The following CCDC188 variants were observed in gnomAD, a reference collection of about 807,000 sequenced individuals.
CCDC188 encodes coiled-coil domain containing 188, also known as coiled-coil domain-containing protein 188.
CCDC188 carries 37 observed loss-of-function variants against 50.7 expected under a neutral mutation model. The ratio of observed to expected loss-of-function variants is 0.73; its 90% CI spans 0.56 to 0.96. The LOEUF (loss-of-function observed/expected upper bound fraction) is 0.96. Ranked by LOEUF, CCDC188 falls within the 40% of genes least tolerant of loss-of-function variation. The probability of loss-of-function intolerance (pLI) is 0.00; values close to 1 mark genes in which losing one functional copy is unlikely to be tolerated. For synonymous variants in CCDC188, 208 were observed against 228.0 expected, an observed-to-expected ratio of 0.91 and a Z score of 0.79; for missense variants, 453 against 512.9, an observed-to-expected ratio of 0.88 and a Z score of 1.13.
At position 20,149,396 on chromosome 22, in the gene CCDC188, C is replaced by T. The variant is rs1468622965; in HGVS notation, c.914+16G>A. ...GAGACCCTGCTCAGCTGGCCCGGCCCCTGCCCCCGTGTTACCTGAGAATCT... is the reference window on the plus strand; with the variant it reads ...GAGACCCTGCTCAGCTGGCCCGGCCTCTGCCCCCGTGTTACCTGAGAATCT... On this transcript the variant is annotated intron_variant, in intron 6 of 8. Coordinates refer to ENST00000439765, the MANE Select transcript of CCDC188 (RefSeq NM_001365892.2). 1.9e-6 allele frequency: 3 copies of T among 1,550,310 alleles called. No homozygotes were observed. The highest frequency in any genetic ancestry group is 1.2e-5 in the South Asian group (1 of 84,068).
rs894962595 is a variant in CCDC188, at chr22:20,149,048, G to C, written c.973-124C>G. On this transcript the variant is annotated intron_variant, in intron 7 of 8. Transcript: ENST00000439765. Reference sequence around the variant, plus strand: ...ACCGCAGCCCTGGCCCCTTCCTCCTGGACAGGCTCCTGCAGCCACTTTTCC... The same window carrying C: ...ACCGCAGCCCTGGCCCCTTCCTCCTCGACAGGCTCCTGCAGCCACTTTTCC... 1.7e-4 allele frequency: 225 copies of C among 1,291,682 alleles called. No homozygotes were observed. In the East Asian group the frequency reaches 4.6e-3, roughly 27 times the overall value. The allele number at this position is 1,291,682 out of a possible 1,614,324, so 80.0% of individuals were successfully genotyped here. A position where few individuals can be genotyped will look rare whatever the true frequency, so the allele number is the denominator to read the frequency against.
At chr22:20,149,061 C>G (rs766209971) in intron 7 of CCDC188, 126 bp downstream of exon 7, 12 of 1,271,738 alleles carry the variant, frequency 9.4e-6, no homozygotes, top group Non-Finnish European at 1.3e-5. Context: ...CAGGCTCCTG[C>G]AGCCACTTTT....
At chr22:20,150,338 G>A in intron 1 of CCDC188, 88 bp from the exon 2 acceptor site, 1 of 990,256 alleles carries the variant, frequency 1.0e-6, no homozygotes, top group Non-Finnish European at 1.5e-6. Context: ...CCAGGTGGTG[G>A]GTGGGGCTGG....
intron 7 of CCDC188, 23 bp from the exon 8 acceptor site, chr22:20,148,947 G>T: frequency 6.8e-7 from 1 of 1,475,346 alleles, no homozygotes; most frequent in Non-Finnish European, 9.0e-7. Context: ...GGCTGGATCA[G>T]AGCCCACCCC....
In CCDC188 at chr22:20,149,499, A is replaced by G. The variant is rs1167627441; in HGVS notation, c.850-23T>C. On this transcript the variant is annotated intron_variant, in intron 5 of 8. Coordinates refer to ENST00000439765, the MANE Select transcript of CCDC188 (RefSeq NM_001365892.2). ...GTTCTGGGGGCCAGAGGAGGTAAGC[A>G]CAGCAGGCCCCTCGCCCCGCCCTCC... The G allele has an allele frequency of 3.2e-6, 5 of 1,549,912 alleles. No homozygotes were observed. In the South Asian group the frequency reaches 6.0e-5, roughly 18 times the overall value.
chr22:20,149,861 C>A, intron 3 of CCDC188, 81 bp from the exon 4 acceptor site: 1 of 1,485,246 alleles, frequency 6.7e-7, no homozygotes, highest in South Asian at 1.4e-5. Context: ...TGGCCTACTG[C>A]ACGAAGACCT....
At chr22:20,148,976 C>T in intron 7 of CCDC188, 52 bp from the exon 8 acceptor site, 1 of 1,442,302 alleles carries the variant, frequency 6.9e-7, no homozygotes, top group Non-Finnish European at 9.2e-7. Context: ...AGGCTGAGGG[C>T]AGGGATCCCT....
In CCDC188 at chr22:20,150,141, A is replaced by G. The variant is rs996660975; in HGVS notation, c.627+2T>C. 65 of 1,544,446 alleles carry G rather than the reference A, an allele frequency of 4.2e-5. No individual in the cohort carries two copies. The highest frequency in any genetic ancestry group is 5.5e-5 in the Non-Finnish European group (63 of 1,143,102). On this transcript the variant is annotated splice_donor_variant, in intron 2 of 8. Coordinates refer to ENST00000439765, the MANE Select transcript of CCDC188 (RefSeq NM_001365892.2). LOFTEE classifies it high-confidence loss of function. The stretch of plus-strand genomic sequence containing the variant: ...CATGGGGTCCCTGGGCCCTGTATTT[A>G]CCCAGGCCAGAGCAGTGCAGCTTGA...
chr22:20,148,945 C>A, intron 7 of CCDC188, 21 bp from the exon 8 acceptor site: 1 of 1,480,136 alleles, frequency 6.8e-7, no homozygotes, highest in Non-Finnish European at 9.0e-7. Context: ...GGGGCTGGAT[C>A]AGAGCCCACC....
In CCDC188 at chr22:20,149,575, A is replaced by C. The variant is rs1304484198; in HGVS notation, c.849+6T>G. On this transcript the variant is annotated splice_donor_region_variant and intron_variant, in intron 5 of 8. Coordinates refer to ENST00000439765, the MANE Select transcript of CCDC188 (RefSeq NM_001365892.2). ...TCCTTCTGGGTGCTGCCCTGTGGGGACCTACCAGGAGCCCGGTGGCCTGGT... is the reference window on the plus strand; with the variant it reads ...TCCTTCTGGGTGCTGCCCTGTGGGGCCCTACCAGGAGCCCGGTGGCCTGGT... 7.1e-6 allele frequency: 11 copies of C among 1,549,930 alleles called. No homozygotes were observed. In the East Asian group the frequency reaches 2.7e-4, roughly 38 times the overall value.
intron 6 of CCDC188, 25 bp from the exon 7 acceptor site, chr22:20,149,269 C>T: frequency 1.3e-6 from 2 of 1,522,054 alleles, no homozygotes; most frequent in South Asian, 1.3e-5. Context: ...CTGTCAGGAC[C>T]CCACACCCTC....
At chr22:20,149,055 C>T in intron 7 of CCDC188, 131 bp from the exon 8 acceptor site, 2 of 1,269,896 alleles carry the variant, frequency 1.6e-6, no homozygotes, top group Non-Finnish European at 2.1e-6. Context: ...CCTGGACAGG[C>T]TCCTGCAGCC....
Position 20,148,597 on chromosome 22 carries a change from G to A in CCDC188, c.*17C>T. On this transcript the variant is annotated 3_prime_UTR_variant, in exon 9 of 9. Coordinates refer to ENST00000439765, the MANE Select transcript of CCDC188 (RefSeq NM_001365892.2). Reference sequence around the variant, plus strand: ...CTGGTCGCCTGGCCTCCTTGCTGGGGCCGCTGGGCCTCTGGCCTAGAAGGG... The same window carrying A: ...CTGGTCGCCTGGCCTCCTTGCTGGGACCGCTGGGCCTCTGGCCTAGAAGGG... 6.6e-7 allele frequency: 1 copy of A among 1,524,590 alleles called. No individual in the cohort carries two copies. The highest frequency in any genetic ancestry group is 8.8e-7 in the Non-Finnish European group (1 of 1,136,284). The allele number at this position is 1,524,590 out of a possible 1,614,324, so 94.4% of individuals were successfully genotyped here. A position where few individuals can be genotyped will look rare whatever the true frequency, so the allele number is the denominator to read the frequency against.
At position 20,150,723 on chromosome 22, in the gene CCDC188, G is replaced by A. The variant is rs1196621936; in HGVS notation, c.264C>T (p.Asp88=). The A allele has an allele frequency of 3.2e-6, 5 of 1,550,212 alleles. No homozygotes were observed. The highest frequency in any genetic ancestry group is 4.4e-6 in the Non-Finnish European group (5 of 1,146,824). ...FLSSQEQRAR[D]TEGPRQGDLE... is the part of the protein sequence containing the mutation. ...GGTCTCCTTGTCTCGGCCCCTCAGT[G>A]TCTCTCGCTCTCTGCTCCTGGCTGG... The change falls in exon 1 of 9, where the codon GAC becomes GAT. Residue 88 remains aspartate, a synonymous_variant. Transcript: ENST00000439765.
Position 20,150,930 on chromosome 22 carries a change from T to TG in CCDC188, c.56dup (p.Thr20AsnfsTer71). The stretch of plus-strand genomic sequence containing the variant: ...CTCCATGGCTGCTGGAGGCTGGGGT[T>TG]GGGGGACACTGGGGGTGGGGGTGGC... On this transcript the variant is annotated frameshift_variant, in exon 1 of 9. Coordinates refer to ENST00000439765, the MANE Select transcript of CCDC188 (RefSeq NM_001365892.2). LOFTEE classifies it high-confidence loss of function. 3.1e-6 allele frequency: 2 copies of TG among 640,194 alleles called. No homozygotes were observed. The highest frequency in any genetic ancestry group is 4.5e-6 in the Non-Finnish European group (2 of 449,250). 39.7% of individuals were successfully genotyped at this position (640,194 alleles called of 1,614,324 possible). A position where few individuals can be genotyped will look rare whatever the true frequency, so the allele number is the denominator to read the frequency against.
In CCDC188 at chr22:20,149,474, G is replaced by A. The variant is rs778251841; in HGVS notation, c.852C>T (p.Asn284=). The change falls in exon 6 of 9, where the codon AAC becomes AAT. Residue 284 remains asparagine (N), a splice_region_variant and synonymous_variant. Transcript: ENST00000439765. ...GCACGCCCCGGATGTCCTTCTTGAG[G>A]TTCTGGGGGCCAGAGGAGGTAAGCA... ...ALNNQATGLL[N]LKKDIRGVLD... 118 of 1,550,016 alleles carry A rather than the reference G, an allele frequency of 7.6e-5. No individual in the cohort carries two copies. The highest frequency in any genetic ancestry group is 5.0e-4 in the Middle Eastern group (3 of 6,012).
chr22:20,149,581 C>A lies in CCDC188; in HGVS notation c.849G>T (p.Leu283=), dbSNP rs1387559585. ...TGGGTGCTGCCCTGTGGGGACCTAC[C>A]AGGAGCCCGGTGGCCTGGTTGTTCA... ...MALNNQATGL[L]NLKKDIRGVL... The change falls in exon 5 of 9, where the codon CTG becomes CTT. Residue 283 remains leucine (L), a splice_region_variant and synonymous_variant. Transcript: ENST00000439765. The A allele has an allele frequency of 6.5e-7, 1 of 1,550,116 alleles. No homozygotes were observed. Among genetic ancestry groups the A allele is most frequent in the African/African-American group, 1.4e-5 (1 of 73,040 alleles).
rs992454598 is a variant in CCDC188 at position 20,150,527 on chromosome 22, C to T, written c.460G>A (p.Gly154Arg). The T allele has an allele frequency of 3.8e-5, 59 of 1,549,238 alleles. No homozygotes were observed. Among genetic ancestry groups the T allele is most frequent in the African/African-American group, 1.8e-4 (13 of 72,970 alleles). The change falls in exon 1 of 9, where the codon GGG becomes AGG. Residue 154 changes from glycine to arginine, a missense_variant. By Grantham distance (125) the Gly-to-Arg change is moderately radical (BLOSUM62 -2). Coordinates refer to ENST00000439765, the MANE Select transcript of CCDC188 (RefSeq NM_001365892.2). The part of the protein sequence containing the change: ...PRVALSQLQC[G>R]LLGSAEQSFL... ...GACTGTTCTGCAGAGCCCAGCAGCC[C>T]GCACTGAAGCTGGGACAGGGCTACC...
rs532851808 is a variant in CCDC188, at chr22:20,150,692, C to A, written c.295G>T (p.Ala99Ser). The A allele has an allele frequency of 6.5e-7, 1 of 1,549,924 alleles. No individual in the cohort carries two copies. The highest frequency in any genetic ancestry group is 1.2e-5 in the South Asian group (1 of 84,054). ...AGGGGCCAGCCCCACCCAAGCCCTG[C>A]CTCCAGGTCTCCTTGTCTCGGCCCC... ...TEGPRQGDLE[A>S]GLGWGWPLHP... Residue 99 changes from alanine to serine, a missense_variant, in exon 1 of 9, where the codon GCA becomes TCA. Ala to Ser is a moderately conservative substitution (Grantham distance 99, BLOSUM62 1). Transcript: ENST00000439765.
Sources: allele counts gnomAD v4.1 joint callset, GRCh38; gene constraint gnomAD v4.1.1; transcripts MANE v1.5; gene names NCBI Gene and HGNC (gene_info 2026-07-23, HGNC 2026-07-21).